Variants in TFEB observed in about 807,000 individuals in gnomAD.
TFEB encodes the protein T-cell transcription factor EB.
TFEB carries 12 observed loss-of-function variants against 48.0 expected under a neutral mutation model. The ratio of observed to expected loss-of-function variants is 0.25; its 90% confidence interval spans 0.16 to 0.40. The LOEUF (loss-of-function observed/expected upper bound fraction) is 0.40. TFEB is among the 10% of genes least tolerant of loss of function. The pLI is 1.00. For missense variants in TFEB, 509 were observed against 640.3 expected (o/e 0.79, Z 2.21); for synonymous variants, 244 against 261.4 (o/e 0.93, Z 0.64).
chr6:41,735,047 A>T (rs1245263218), intron 1 of TFEB: 2 of 985,134 alleles, frequency 2.0e-6, no homozygotes, highest in Non-Finnish European at 2.4e-6. Flanking sequence ...GGGAAGGCCC[A>T]TGCCCGCCCG....
chr6:41,734,901 T>A lies in TFEB; in HGVS notation c.-23+449A>T, dbSNP rs1771611448. 2 of 974,126 alleles carry A rather than the reference T, an allele frequency of 2.1e-6. No individual in the cohort carries two copies. The highest frequency in any genetic ancestry group is 1.3e-4 in the Admixed American group (2 of 15,440). The allele number at this position is 974,126 out of a possible 1,614,324, so 60.3% of individuals were successfully genotyped here. ...TCAGCCCCCGCACACCTCCCCTACCTCCGACCCCCTCTCAGGCATCGCCGG... is the reference window on the plus strand; with the variant it reads ...TCAGCCCCCGCACACCTCCCCTACCACCGACCCCCTCTCAGGCATCGCCGG... On this transcript the variant is annotated intron_variant, in intron 1 of 8. Transcript: ENST00000373033. The surrounding 1 kb of genome is among the most constrained non-coding windows in gnomAD (Gnocchi z 4.0).
At chr6:41,732,639 A>G (rs1771501823) in intron 1 of TFEB, 5 of 985,774 alleles carry the variant, frequency 5.1e-6, no homozygotes, top group Non-Finnish European at 6.0e-6. Context: ...AAGCAACATC[A>G]TGTACTCACC....
At chr6:41,732,110 T>C (rs1307634425) in intron 1 of TFEB, among the ~76,000 whole-genome samples, 1 of 152,170 alleles carries the variant, frequency 6.6e-6, no homozygotes, top group East Asian at 1.9e-4. Flanking sequence ...GGTCTCGAAC[T>C]CCTGAGCTCC....
chr6:41,733,055 T>TAA (rs1323812524), intron 1 of TFEB: 14 of 985,260 alleles, frequency 1.4e-5, no homozygotes, highest in Non-Finnish European at 1.7e-5. Context: ...GTAACTCTAT[T>TAA]AACTCTGGCT....
In TFEB at chr6:41,687,218, C is replaced by T. The variant is rs571742042; in HGVS notation, c.728-49G>A. ...GAGCAATTAGAGGGATGGGGACCCC[C>T]CACCCCATGGGGAGAAGTACCCAGC... On this transcript the variant is annotated intron_variant, in intron 6 of 8. Transcript: ENST00000373033. The T allele has an allele frequency of 2.4e-5, 38 of 1,591,522 alleles. 1 individual carries two copies. In the African/African-American group the frequency reaches 4.3e-4, roughly 18 times the overall value.
chr6:41,706,340 GTGTC>G (rs1250710360), intron 1 of TFEB, among the ~76,000 whole-genome samples: 5 of 152,210 alleles, frequency 3.3e-5, no homozygotes, highest in Non-Finnish European at 5.9e-5. Context: ...ACCCTGTGCA[GTGTC>G]TGGCAGCTTC....
chr6:41,732,753 T>A, intron 1 of TFEB: 1 of 985,926 alleles, frequency 1.0e-6, no homozygotes, highest in Non-Finnish European at 1.2e-6. Flanking sequence ...TACATGCATA[T>A]ATGTTCACTG....
chr6:41,703,454 C>T (rs755024546), intron 1 of TFEB, among the ~76,000 whole-genome samples: 54 of 150,536 alleles, frequency 3.6e-4, no homozygotes, highest in Non-Finnish European at 2.7e-4. Context: ...GCTCCTGGGG[C>T]TGCTCCTCCT....
rs75519835 is a variant in TFEB, at chr6:41,730,174, A to C, written c.-23+5176T>G. ...CTAGGCCCCTCCCCAAGAGATTCAG[A>C]TGCAATGGTGTTGTCTAAGAGTTCC... On this transcript the variant is annotated intron_variant, in intron 1 of 8. Transcript: ENST00000373033. The surrounding 1 kb of genome is among the most constrained non-coding windows in gnomAD (Gnocchi z 4.1). Among the ~76,000 whole-genome samples, 528 of 152,206 alleles carry C rather than the reference A, an allele frequency of 3.5e-3. 4 individuals carry two copies. Among genetic ancestry groups the C allele is most frequent in the African/African-American group, 0.012 (500 of 41,532 alleles).
At chr6:41,732,918 A>G (rs550153024) in intron 1 of TFEB, 2 of 985,558 alleles carry the variant, frequency 2.0e-6, no homozygotes, top group South Asian at 9.4e-5. Flanking sequence ...ACAAAGGCCC[A>G]ACCTGGTTTT....
At chr6:41,733,536 G>A in intron 1 of TFEB, 1 of 807,004 alleles carries the variant, frequency 1.2e-6, no homozygotes, top group South Asian at 5.6e-5. Context: ...AAACAGCTCT[G>A]CCCTTCATTT....
intron 1 of TFEB, among the ~76,000 whole-genome samples, chr6:41,716,007 A>G (rs1311506047): frequency 6.6e-6 from 1 of 152,100 alleles, no homozygotes; most frequent in Non-Finnish European, 1.5e-5. Context: ...CTCCTACCCA[A>G]CTCACCCCAA....
rs1201022686 is a variant in TFEB at position 41,691,357 on chromosome 6, C to G, written c.-22-122G>C. 4.9e-6 allele frequency: 5 copies of G among 1,019,758 alleles called. No homozygotes were observed. The highest frequency in any genetic ancestry group is 7.5e-6 in the Non-Finnish European group (5 of 662,340). The allele number at this position is 1,019,758 out of a possible 1,614,324, so 63.2% of individuals were successfully genotyped here. A position where few individuals can be genotyped will look rare whatever the true frequency, so the allele number is the denominator to read the frequency against. ...ATTTTAGAGGAGAAGACACCGAGCC[C>G]TGAGAGGGGAAGAGATTTGCCCAAG... On this transcript the variant is annotated intron_variant, in intron 1 of 8. Transcript: ENST00000373033. The surrounding 1 kb of genome is among the most constrained non-coding windows in gnomAD (Gnocchi z 5.2).
Position 41,684,668 on chromosome 6 carries a change from C to T in TFEB, c.1362G>A (p.Met454Ile). Reference sequence around the variant, plus strand: ...TGCTGGCCTTGGAGGCCTCGGGGGACATGGTGGACAGAAGTGGATCAGAGG... The same window carrying T: ...TGCTGGCCTTGGAGGCCTCGGGGGATATGGTGGACAGAAGTGGATCAGAGG... ...PLASDPLLST[M>I]SPEASKASSR... The change falls in exon 9 of 9, where the codon ATG (methionine) becomes ATA (isoleucine). Residue 454 changes from methionine to isoleucine, a missense_variant. By Grantham distance (10) the Met-to-Ile change is conservative. This residue lies in a region of TFEB where 168 missense variants were observed against 161.0 expected (regional missense o/e 1.04). Transcript: ENST00000373033. The T allele has an allele frequency of 6.2e-7, 1 of 1,612,834 alleles. No homozygotes were observed. Among genetic ancestry groups the T allele is most frequent in the Non-Finnish European group, 8.5e-7 (1 of 1,179,560 alleles).
At chr6:41,696,882 C>T (rs773127278) in intron 1 of TFEB, among the ~76,000 whole-genome samples, 6 of 152,028 alleles carry the variant, frequency 3.9e-5, no homozygotes, top group African/African-American at 1.2e-4. Flanking sequence ...TTCAAAAAAA[C>T]GCAACATTAA....
intron 1 of TFEB, among the ~76,000 whole-genome samples, chr6:41,726,393 G>A (rs1338640462): frequency 6.6e-6 from 1 of 152,150 alleles, no homozygotes; most frequent in Non-Finnish European, 1.5e-5. Flanking sequence ...TGATTTTGGC[G>A]TACAAGCTAC....
rs56059829 is a variant in TFEB, at chr6:41,697,408, C to CAAAAAAAAAAAAAAAAAAAAAAAAAAA, written c.-22-6174_-22-6173insTTTTTTTTTTTTTTTTTTTTTTTTTTT. 3.5e-4 allele frequency among the ~76,000 whole-genome samples: 22 copies of CAAAAAAAAAAAAAAAAAAAAAAAAAAA among 63,504 alleles called. 1 individual carries two copies. The highest frequency in any genetic ancestry group is 1.8e-3 in the African/African-American group (21 of 11,538). The allele number at this position is 63,504 out of a possible 152,430, so 41.7% of individuals were successfully genotyped here. A position where few individuals can be genotyped will look rare whatever the true frequency, so the allele number is the denominator to read the frequency against. Reference sequence around the variant, plus strand: ...GGGCAACAAGAGTGAAACTCCATCTCAAAAAAAAAAAAAAAAAAAGAATGA... The same window carrying CAAAAAAAAAAAAAAAAAAAAAAAAAAA: ...GGGCAACAAGAGTGAAACTCCATCTCAAAAAAAAAAAAAAAAAAAAAAAAAAAAAAAAAAAAAAAAAAAAAAGAATGA... On this transcript the variant is annotated intron_variant, in intron 1 of 8. Coordinates refer to ENST00000373033, the MANE Select transcript of TFEB (RefSeq NM_001271944.2).
upstream of TFEB, among the ~76,000 whole-genome samples, chr6:41,735,875 C>G (rs115745092): frequency 7.6e-3 from 1,150 of 152,302 alleles, 19 homozygotes; most frequent in African/African-American, 0.026. Context: ...GTAGCCTGTC[C>G]GACCCCCTAA....
At chr6:41,714,665 G>A (rs1770654560) in intron 1 of TFEB, among the ~76,000 whole-genome samples, 1 of 152,178 alleles carries the variant, frequency 6.6e-6, no homozygotes, top group South Asian at 2.1e-4. Flanking sequence ...TTCTGAGACG[G>A]ACTATTGTCT....
Sources: gnomAD v4.1 joint callset for allele counts (sites outside exome capture counted in the v4.1 genomes callset) on GRCh38, gnomAD v4.1.1 for gene constraint, gnomAD v4.1.1 regional missense constraint, Gnocchi (gnomAD v3.1) non-coding constraint, MANE v1.5 for transcripts, NCBI Gene and HGNC (gene_info 2026-07-23, HGNC 2026-07-21) for gene names.